Variants in ARHGAP35 observed in about 807,000 individuals in gnomAD.
The protein encoded by ARHGAP35 is Rho GTPase activating protein 35.
Under a neutral mutation model 111.1 loss-of-function variants are expected in ARHGAP35, and 15 were observed. That is an observed-to-expected ratio of 0.13 (90% CI 0.09 to 0.21). ARHGAP35 has a LOEUF of 0.21. ARHGAP35 is among the 10% of genes least tolerant of loss of function. The probability of loss-of-function intolerance (pLI) is 1.00; values close to 1 mark genes in which losing one functional copy is unlikely to be tolerated. For missense variants in ARHGAP35, 1,262 were observed against 1,873.0 expected (o/e 0.67, Z 6.02); for synonymous variants, 643 against 710.3 (o/e 0.91, Z 1.51).
chr19:46,863,630 CT>C (rs2055840690), intron 1 of ARHGAP35, among the ~76,000 whole-genome samples: 1 of 152,028 alleles, frequency 6.6e-6, no homozygotes, highest in Non-Finnish European at 1.5e-5. Context: ...GCCAGCAACC[CT>C]AGGAGTGTCC....
In ARHGAP35 at chr19:46,946,102, T is replaced by C. The variant is rs1015392291; in HGVS notation, c.3826+8694T>C. ...TTTGTTAGTGCAGCTGACTTTCAGT[T>C]AGTCCCTCTGGAATGAAAAGCTGTC... On this transcript the variant is annotated intron_variant, in intron 3 of 6. Transcript: ENST00000672722. 5.3e-5 allele frequency among the ~76,000 whole-genome samples: 8 copies of C among 152,374 alleles called. 1 individual carries two copies. In the South Asian group the frequency reaches 1.7e-3, roughly 32 times the overall value.
intron 1 of ARHGAP35, among the ~76,000 whole-genome samples, chr19:46,915,227 G>A (rs1251462060): frequency 6.6e-6 from 1 of 152,066 alleles, no homozygotes; most frequent in East Asian, 1.9e-4. Context: ...GTAAGCAATC[G>A]CCTAGAAAAG....
intron 5 of ARHGAP35, among the ~76,000 whole-genome samples, chr19:46,998,341 C>G (rs972088223): frequency 6.6e-6 from 1 of 152,208 alleles, no homozygotes; most frequent in African/African-American, 2.4e-5. Flanking sequence ...TCGTGAGACC[C>G]TCCTGTGGTT....
chr19:46,873,752 T>C (rs2055900863), intron 1 of ARHGAP35, among the ~76,000 whole-genome samples: 1 of 152,130 alleles, frequency 6.6e-6, no homozygotes, highest in South Asian at 2.1e-4. Flanking sequence ...TTAAGCTTTT[T>C]TTTTTTCTTT....
rs2056670031 is a variant in ARHGAP35 at position 46,989,752 on chromosome 19, G to A, written c.4036+77G>A. The A allele has an allele frequency of 6.3e-7, 1 of 1,592,116 alleles. No homozygotes were observed. Among genetic ancestry groups the A allele is most frequent in the African/African-American group, 1.3e-5 (1 of 74,502 alleles). The stretch of plus-strand genomic sequence containing the variant: ...ACTGGAAGAATAGGTCCTGCCCTCA[G>A]AATGGATGCTGGCTGTTAGAGCTGA... On this transcript the variant is annotated intron_variant, in intron 5 of 6. Coordinates refer to ENST00000672722, the MANE Select transcript of ARHGAP35 (RefSeq NM_004491.5). The surrounding 1 kb of genome is among the most constrained non-coding windows in gnomAD (Gnocchi z 5.3).
chr19:46,877,105 C>T (rs911270297), intron 1 of ARHGAP35, among the ~76,000 whole-genome samples: 27 of 151,270 alleles, frequency 1.8e-4, no homozygotes, highest in Non-Finnish European at 2.9e-4. Flanking sequence ...CAAAATTAGT[C>T]AGGCGTGGTG....
chr19:46,923,833 A>G (rs2056222254), intron 2 of ARHGAP35, among the ~76,000 whole-genome samples: 1 of 151,826 alleles, frequency 6.6e-6, no homozygotes, highest in Non-Finnish European at 1.5e-5. Flanking sequence ...AGGCAGGAGA[A>G]TCACGTGAAC....
chr19:46,962,808 T>C (rs2122274333), intron 3 of ARHGAP35, among the ~76,000 whole-genome samples: 1 of 152,168 alleles, frequency 6.6e-6, no homozygotes, highest in Non-Finnish European at 1.5e-5. Flanking sequence ...GAGATGAGGT[T>C]TTACCATGTT....
intron 1 of ARHGAP35, among the ~76,000 whole-genome samples, chr19:46,884,408 A>G (rs550426624): frequency 2.6e-5 from 4 of 152,260 alleles, no homozygotes; most frequent in Admixed American, 2.6e-4. Flanking sequence ...CTCATTTTAA[A>G]CATAAACTGA....
chr19:46,880,070 G>A (rs2055952005), intron 1 of ARHGAP35, among the ~76,000 whole-genome samples: 1 of 151,558 alleles, frequency 6.6e-6, no homozygotes, highest in Admixed American at 6.6e-5. Context: ...TGGGTGATGA[G>A]GCAAGACAAT....
chr19:46,899,169 G>T (rs2122164569), intron 1 of ARHGAP35, among the ~76,000 whole-genome samples: 5 of 152,278 alleles, frequency 3.3e-5, no homozygotes, highest in African/African-American at 1.2e-4. Flanking sequence ...GAGATGGGCA[G>T]AGAAGGCATT....
intron 3 of ARHGAP35, among the ~76,000 whole-genome samples, chr19:46,980,151 A>G (rs916053908): frequency 2.6e-5 from 4 of 152,034 alleles, no homozygotes; most frequent in African/African-American, 9.7e-5. Flanking sequence ...TTGGGAGGCA[A>G]AGGTGGGCGG....
rs182876079 is a variant in ARHGAP35, at chr19:46,938,530, T to C, written c.3826+1122T>C. Reference sequence around the variant, plus strand: ...ATGACGCCCAACTAATTTTTGTATTTTTAGTAGAGACGGGTTTTTGCCATG... The same window carrying C: ...ATGACGCCCAACTAATTTTTGTATTCTTAGTAGAGACGGGTTTTTGCCATG... On this transcript the variant is annotated intron_variant, in intron 3 of 6. Transcript: ENST00000672722. 2.2e-3 allele frequency among the ~76,000 whole-genome samples: 335 copies of C among 152,072 alleles called. 1 individual carries two copies. Among genetic ancestry groups the C allele is most frequent in the Middle Eastern group, 0.014 (4 of 294 alleles).
At position 46,901,270 on chromosome 19, in the gene ARHGAP35, A is replaced by G. The variant is rs1426342540; in HGVS notation, c.-188-17218A>G. ...AATAAGAATTTGAGGGTTTAATATAAGAGCAGGCCAGGCATAGTGGCTCAC... is the reference window on the plus strand; with the variant it reads ...AATAAGAATTTGAGGGTTTAATATAGGAGCAGGCCAGGCATAGTGGCTCAC... On this transcript the variant is annotated intron_variant, in intron 1 of 6. Coordinates refer to ENST00000672722, the MANE Select transcript of ARHGAP35 (RefSeq NM_004491.5). The surrounding 1 kb of genome is among the most constrained non-coding windows in gnomAD (Gnocchi z 4.5). 5.3e-5 allele frequency among the ~76,000 whole-genome samples: 8 copies of G among 152,204 alleles called. No homozygotes were observed. Among genetic ancestry groups the G allele is most frequent in the Admixed American group, 5.2e-4 (8 of 15,284 alleles).
intron 3 of ARHGAP35, among the ~76,000 whole-genome samples, chr19:46,941,248 T>C (rs925314225): frequency 3.9e-5 from 6 of 152,188 alleles, no homozygotes; most frequent in Non-Finnish European, 8.8e-5. Context: ...CCTTTTTGCC[T>C]GTGGAACTTA....
chr19:46,964,703 A>G (rs2056502984), intron 3 of ARHGAP35, among the ~76,000 whole-genome samples: 1 of 152,226 alleles, frequency 6.6e-6, no homozygotes, highest in African/African-American at 2.4e-5. Flanking sequence ...GTTTCAGTTC[A>G]GCAGAAGGGC....
intron 2 of ARHGAP35, among the ~76,000 whole-genome samples, chr19:46,925,993 C>T (rs2056235719): frequency 6.6e-6 from 1 of 152,172 alleles, no homozygotes; most frequent in Non-Finnish European, 1.5e-5. Context: ...TCTGGTCTAG[C>T]TGAGGGCTTG....
rs556167250 is a variant in ARHGAP35 at position 46,994,046 on chromosome 19, G to C, written c.4036+4371G>C. ...TCTGGGTCCTGAGGGGACTCTGAAG[G>C]GGGTGGAGGTTACACCAAAAGTCTG... is the stretch of plus-strand genomic sequence containing the variant. On this transcript the variant is annotated intron_variant, in intron 5 of 6. Transcript: ENST00000672722. The surrounding 1 kb of genome is among the most constrained non-coding windows in gnomAD (Gnocchi z 5.4). 5.3e-4 allele frequency among the ~76,000 whole-genome samples: 80 copies of C among 152,310 alleles called. No homozygotes were observed. The highest frequency in any genetic ancestry group is 9.8e-4 in the Non-Finnish European group (67 of 68,026).
chr19:46,968,176 T>A (rs1352551751), intron 3 of ARHGAP35, among the ~76,000 whole-genome samples: 1 of 152,160 alleles, frequency 6.6e-6, no homozygotes, highest in Admixed American at 6.5e-5. Flanking sequence ...AACGTGGAAT[T>A]GTATACATAG....
Sources: allele counts gnomAD v4.1 joint callset (sites outside exome capture counted in the v4.1 genomes callset), GRCh38; gene constraint gnomAD v4.1.1; non-coding constraint Gnocchi (gnomAD v3.1); transcripts MANE v1.5; gene names NCBI Gene and HGNC (gene_info 2026-07-23, HGNC 2026-07-21).